The following ZNF862 variants were observed in gnomAD, a reference collection of about 807,000 sequenced individuals.
ZNF862 encodes the protein zinc finger protein 862.
In ZNF862, 64 loss-of-function variants were observed where a neutral mutation model predicts 91.1. That is an observed-to-expected ratio of 0.70 (90% CI 0.57 to 0.87). The LOEUF (loss-of-function observed/expected upper bound fraction) is 0.87, where lower values mean the gene tolerates loss of function less well. Among genes scored for constraint, ZNF862 ranks in the 40% least tolerant of loss-of-function variants. ZNF862 has a pLI of 0.00. For missense variants in ZNF862, 1,459 were observed against 1,528.0 expected (o/e 0.95, Z 0.75); for synonymous variants, 631 against 618.1 (o/e 1.02, Z -0.31).
At chr7:149,842,616 G>A (rs1801744060) in intron 1 of ZNF862, among the ~76,000 whole-genome samples, 1 of 152,200 alleles carries the variant, frequency 6.6e-6, no homozygotes. Flanking sequence ...TCCTCCTCAG[G>A]TGGAGCTAAC....
intron 5 of ZNF862, among the ~76,000 whole-genome samples, chr7:149,853,892 C>T (rs1462401987): frequency 1.3e-5 from 2 of 148,944 alleles, no homozygotes; most frequent in East Asian, 2.0e-4. Context: ...GAGCCAAGAT[C>T]GTGCCACTGT....
chr7:149,853,728 G>C (rs889023173), intron 5 of ZNF862, among the ~76,000 whole-genome samples: 1 of 151,986 alleles, frequency 6.6e-6, no homozygotes, highest in East Asian at 1.9e-4. Context: ...ACCTGAGGTC[G>C]GGAGTTCGAG....
intron 5 of ZNF862, among the ~76,000 whole-genome samples, chr7:149,852,333 A>G (rs1802090569): frequency 8.1e-6 from 1 of 123,464 alleles, no homozygotes; most frequent in East Asian, 2.3e-4. Context: ...GGGTGAACTC[A>G]GTTTTGTGTG....
chr7:149,850,112 G>C lies in ZNF862; in HGVS notation c.940-49G>C. On this transcript the variant is annotated intron_variant, in intron 4 of 7. Coordinates refer to ENST00000223210, the MANE Select transcript of ZNF862 (RefSeq NM_001099220.3). This position sits in a 1 kb window ranked among gnomAD's most constrained non-coding sequence, Gnocchi z 4.2. The stretch of plus-strand genomic sequence containing the variant: ...CAAAGGCCCCAGAAGTGTCACGTGG[G>C]AGTCTGGCTCGGCAGGCGGTGCTGA... 1 of 1,547,810 alleles carries C rather than the reference G, an allele frequency of 6.5e-7. No individual in the cohort carries two copies. Among genetic ancestry groups the C allele is most frequent in the Admixed American group, 2.0e-5 (1 of 51,014 alleles).
intron 5 of ZNF862, chr7:149,858,304 T>C (rs980206631): frequency 1.3e-5 from 2 of 152,260 alleles, no homozygotes; most frequent in Non-Finnish European, 2.9e-5. Flanking sequence ...CCAATTTATC[T>C]TGGGCTTATA....
In ZNF862 at chr7:149,850,122, C is replaced by T. The variant is rs554848688; in HGVS notation, c.940-39C>T. On this transcript the variant is annotated intron_variant, in intron 4 of 7. Transcript: ENST00000223210. This position sits in a 1 kb window ranked among gnomAD's most constrained non-coding sequence, Gnocchi z 4.2. ...AGAAGTGTCACGTGGGAGTCTGGCT[C>T]GGCAGGCGGTGCTGAGTGGCCGCTG... 10 of 1,549,544 alleles carry T rather than the reference C, an allele frequency of 6.5e-6. No homozygotes were observed. Among genetic ancestry groups the T allele is most frequent in the East Asian group, 4.9e-5 (2 of 40,920 alleles).
rs1209959833 is a variant in ZNF862 at position 149,862,401 on chromosome 7, C to T, written c.3241C>T (p.Gln1081Ter). 4 of 1,612,656 alleles carry T rather than the reference C, an allele frequency of 2.5e-6. No homozygotes were observed. Among genetic ancestry groups the T allele is most frequent in the Non-Finnish European group, 3.4e-6 (4 of 1,179,648 alleles). The change falls in exon 7 of 8, where the codon CAG becomes TAG. Residue 1081 changes from glutamine to a stop codon, truncating the protein, a stop_gained. Coordinates refer to ENST00000223210, the MANE Select transcript of ZNF862 (RefSeq NM_001099220.3). LOFTEE classifies it high-confidence loss of function. ...NGVAVTEYDP[Q>*]PAIQHWYLTS... ...CGTGGCCGTCACGGAGTACGACCCC[C>T]AGCCCGCCATCCAGCACTGGTACCT...
chr7:149,850,173 G>C lies in ZNF862; in HGVS notation c.952G>C (p.Glu318Gln), dbSNP rs771681496. The change falls in exon 5 of 8, where the codon GAG (glutamate) becomes CAG (glutamine). Residue 318 changes from glutamate (E) to glutamine (Q), a missense_variant. Glu to Gln is a conservative substitution (Grantham distance 29, BLOSUM62 2). Coordinates refer to ENST00000223210, the MANE Select transcript of ZNF862 (RefSeq NM_001099220.3). The surrounding 1 kb of genome is among the most constrained non-coding windows in gnomAD (Gnocchi z 4.2). ...VESCIQDPSA[E>Q]GLSEEVPVVF... Reference sequence around the variant, plus strand: ...CTCTTTGTTCCAGGACCCTTCTGCAGAGGGGCTGTCGGAGGAGGTTCCTGT... The same window carrying C: ...CTCTTTGTTCCAGGACCCTTCTGCACAGGGGCTGTCGGAGGAGGTTCCTGT... The C allele has an allele frequency of 6.4e-7, 1 of 1,570,154 alleles. No homozygotes were observed. The highest frequency in any genetic ancestry group is 1.9e-5 in the Admixed American group (1 of 52,512).
chr7:149,842,423 T>A (rs1398521613), intron 1 of ZNF862, among the ~76,000 whole-genome samples: 3 of 152,208 alleles, frequency 2.0e-5, no homozygotes, highest in Non-Finnish European at 4.4e-5. Context: ...CGAGAGAGAT[T>A]CTTTGCATTA....
At position 149,866,068 on chromosome 7, in the gene ZNF862, C is replaced by T. The variant is rs1354329279; in HGVS notation, c.*1784C>T. On this transcript the variant is annotated 3_prime_UTR_variant, in exon 8 of 8. Coordinates refer to ENST00000223210, the MANE Select transcript of ZNF862 (RefSeq NM_001099220.3). The stretch of plus-strand genomic sequence containing the variant: ...CCTGGTACCGCAGGTACCCTGGTAC[C>T]CCACCTGCCCTTTCATCCCCACCCC... 1 of 152,204 alleles carries T rather than the reference C, an allele frequency of 6.6e-6. No homozygotes were observed. The highest frequency in any genetic ancestry group is 2.4e-5 in the African/African-American group (1 of 41,442). The allele number at this position is 152,204 out of a possible 1,614,324, so 9.4% of individuals were successfully genotyped here. A position where few individuals can be genotyped will look rare whatever the true frequency, so the allele number is the denominator to read the frequency against.
Position 149,847,887 on chromosome 7 carries a change from A to G in ZNF862, c.394A>G (p.Lys132Glu), listed in dbSNP as rs761530377. The change falls in exon 4 of 8, where the codon AAA (lysine) becomes GAA (glutamate). Residue 132 changes from lysine to glutamate, a missense_variant. Transcript: ENST00000223210. ...IEGDWAGRNR[K>E]LLKPRSIQKS... ...GGGAGACTGGGCCGGAAGAAACAGGAAACTTCTGAAGCCCCGGTCCATCCA... is the reference window on the plus strand; with the variant it reads ...GGGAGACTGGGCCGGAAGAAACAGGGAACTTCTGAAGCCCCGGTCCATCCA... The G allele has an allele frequency of 2.3e-5, 37 of 1,609,334 alleles. No individual in the cohort carries two copies. The highest frequency in any genetic ancestry group is 3.3e-4 in the Middle Eastern group (2 of 6,078).
chr7:149,855,611 C>T lies in ZNF862; in HGVS notation c.1118-3811C>T, dbSNP rs1249772459. Among the ~76,000 whole-genome samples, 1 of 152,174 alleles carries T rather than the reference C, an allele frequency of 6.6e-6. No homozygotes were observed. The highest frequency in any genetic ancestry group is 1.5e-5 in the Non-Finnish European group (1 of 68,024). ...TTGGGTGTTTGTGGGTTCTGCAGTA[C>T]CCCCAACAGGCACTGAGACCCTCTC... is the stretch of plus-strand genomic sequence containing the variant. On this transcript the variant is annotated intron_variant, in intron 5 of 7. Transcript: ENST00000223210. This position sits in a 1 kb window ranked among gnomAD's most constrained non-coding sequence, Gnocchi z 4.1.
chr7:149,850,125 C>T lies in ZNF862; in HGVS notation c.940-36C>T, dbSNP rs574108021. ...AGTGTCACGTGGGAGTCTGGCTCGG[C>T]AGGCGGTGCTGAGTGGCCGCTGCTC... is the stretch of plus-strand genomic sequence containing the variant. On this transcript the variant is annotated intron_variant, in intron 4 of 7. Coordinates refer to ENST00000223210, the MANE Select transcript of ZNF862 (RefSeq NM_001099220.3). The surrounding 1 kb of genome is among the most constrained non-coding windows in gnomAD (Gnocchi z 4.2). 6.5e-7 allele frequency: 1 copy of T among 1,550,060 alleles called. No homozygotes were observed. The highest frequency in any genetic ancestry group is 2.4e-5 in the East Asian group (1 of 40,936).
chr7:149,852,179 A>T (rs575939930), intron 5 of ZNF862: 1 of 151,794 alleles, frequency 6.6e-6, no homozygotes, highest in East Asian at 1.9e-4. Context: ...AACATAGTGG[A>T]GATTCTTTAA....
intron 5 of ZNF862, chr7:149,852,459 C>T (rs1802100194): frequency 6.6e-6 from 1 of 152,354 alleles, no homozygotes; most frequent in Non-Finnish European, 1.5e-5. Flanking sequence ...ACCTTGAACT[C>T]CTGGGCTCAA....
At chr7:149,857,027 C>T (rs1802287070) in intron 5 of ZNF862, among the ~76,000 whole-genome samples, 1 of 152,200 alleles carries the variant, frequency 6.6e-6, no homozygotes, top group Non-Finnish European at 1.5e-5. Context: ...AATCTTTGAA[C>T]ATGACATATT....
rs768401644 is a variant in ZNF862 at position 149,864,260 on chromosome 7, C to T, written c.3486C>T (p.Ser1162=). The T allele has an allele frequency of 6.2e-7, 1 of 1,602,290 alleles. No individual in the cohort carries two copies. Among genetic ancestry groups the T allele is most frequent in the African/African-American group, 1.3e-5 (1 of 74,778 alleles). Reference sequence around the variant, plus strand: ...AGAGACTCCTGTATCCCCACACCAGCCAGGAGGCCCCCGGGATGTCCTGAG... The same window carrying T: ...AGAGACTCCTGTATCCCCACACCAGTCAGGAGGCCCCCGGGATGTCCTGAG... ...PPERLLYPHT[S]QEAPGMS The change falls in exon 8 of 8, where the codon AGC becomes AGT. Residue 1162 remains serine (S), a synonymous_variant. Transcript: ENST00000223210.
In ZNF862 at chr7:149,866,770, G is replaced by C. The variant is rs1802745229; in HGVS notation, c.*2486G>C. 1 of 152,298 alleles carries C rather than the reference G, an allele frequency of 6.6e-6. No homozygotes were observed. 9.4% of individuals were successfully genotyped at this position (152,298 alleles called of 1,614,324 possible). ...TCAGCCAATGGCCAAGAAGGAAGAA[G>C]ATGACTGCCATCTTATTCCTGAACT... On this transcript the variant is annotated 3_prime_UTR_variant, in exon 8 of 8. Coordinates refer to ENST00000223210, the MANE Select transcript of ZNF862 (RefSeq NM_001099220.3).
Position 149,850,349 on chromosome 7 carries a change from A to G in ZNF862, c.1117+11A>G, listed in dbSNP as rs746536331. The G allele has an allele frequency of 3.2e-5, 51 of 1,602,342 alleles. No homozygotes were observed. The South Asian group carries it at 4.8e-4, about 15-fold the overall frequency. On this transcript the variant is annotated intron_variant, in intron 5 of 7. Transcript: ENST00000223210. The surrounding 1 kb of genome is among the most constrained non-coding windows in gnomAD (Gnocchi z 4.2). ...TGTTGGCATCCTTGGGTAAAGACGC[A>G]CCGAGCCTCTTATTCACCACCCTCC...
Sources: allele counts gnomAD v4.1 joint callset (sites outside exome capture counted in the v4.1 genomes callset), GRCh38; gene constraint gnomAD v4.1.1; non-coding constraint Gnocchi (gnomAD v3.1); transcripts MANE v1.5; gene names NCBI Gene and HGNC (gene_info 2026-07-23, HGNC 2026-07-21).